Variants in PCDH9 observed in about 807,000 individuals in gnomAD.
The protein encoded by PCDH9 is protocadherin 9, also known as protocadherin-9.
A neutral mutation model predicts 70.6 loss-of-function variants in PCDH9; 24 were observed. The ratio of observed to expected loss-of-function variants is 0.34; its 90% CI spans 0.25 to 0.48. PCDH9 has a LOEUF of 0.48. Among genes scored for constraint, PCDH9 ranks in the 20% least tolerant of loss-of-function variants. The pLI is 0.99. For synonymous variants in PCDH9, 562 were observed against 558.5 expected (o/e 1.01, Z -0.09); for missense variants, 1,281 against 1,503.6 (o/e 0.85, Z 2.45).
chr13:66,737,845 AC>A (rs1221088232), intron 3 of PCDH9, among the ~76,000 whole-genome samples: 1 of 152,066 alleles, frequency 6.6e-6, no homozygotes, highest in African/African-American at 2.4e-5. Flanking sequence ...GGAGGGTCCT[AC>A]GCCCATGGAA....
At chr13:66,378,357 C>G (rs1009186915) in intron 4 of PCDH9, among the ~76,000 whole-genome samples, 2 of 151,154 alleles carry the variant, frequency 1.3e-5, no homozygotes, top group East Asian at 3.9e-4. Context: ...TGGGTAAGTG[C>G]TTTTTTTTTG....
intron 2 of PCDH9, among the ~76,000 whole-genome samples, chr13:67,049,561 T>C (rs2085284965): frequency 6.6e-6 from 1 of 152,322 alleles, no homozygotes; most frequent in South Asian, 2.1e-4. Context: ...CAAGAACTTA[T>C]TAACACCTTT....
chr13:66,936,713 A>G (rs1437657359), intron 2 of PCDH9, among the ~76,000 whole-genome samples: 5 of 152,184 alleles, frequency 3.3e-5, no homozygotes, highest in Admixed American at 2.0e-4. Flanking sequence ...AGAAGCAATG[A>G]CATCTTTGCA....
intron 2 of PCDH9, among the ~76,000 whole-genome samples, chr13:67,140,439 A>C (rs1396846882): frequency 1.3e-5 from 2 of 152,206 alleles, no homozygotes; most frequent in Non-Finnish European, 2.9e-5. Context: ...AGAAAACCCA[A>C]GAGAATGATA....
chr13:67,046,964 A>C (rs992873401), intron 2 of PCDH9, among the ~76,000 whole-genome samples: 6 of 152,178 alleles, frequency 3.9e-5, no homozygotes, highest in African/African-American at 1.4e-4. Context: ...ATAATCTAGA[A>C]AATATTCCGA....
intron 2 of PCDH9, among the ~76,000 whole-genome samples, chr13:66,999,307 A>G (rs1038166615): frequency 6.6e-6 from 1 of 152,200 alleles, no homozygotes; most frequent in Non-Finnish European, 1.5e-5. Flanking sequence ...TTGATAATAG[A>G]TGACAGTAGA....
chr13:66,629,536 C>T (rs2077542521), intron 4 of PCDH9, among the ~76,000 whole-genome samples: 1 of 152,180 alleles, frequency 6.6e-6, no homozygotes, highest in South Asian at 2.1e-4. Flanking sequence ...CTGGTCAAAA[C>T]CATGAAATCA....
At chr13:66,914,524 A>G (rs2082526173) in intron 2 of PCDH9, 1 of 151,870 alleles carries the variant, frequency 6.6e-6, no homozygotes, top group African/African-American at 2.4e-5. Flanking sequence ...AGAAACCTAT[A>G]CAAAAACCTA....
chr13:66,308,822 G>C (rs1168878703), intron 4 of PCDH9, among the ~76,000 whole-genome samples: 2 of 151,950 alleles, frequency 1.3e-5, no homozygotes, highest in Non-Finnish European at 2.9e-5. Flanking sequence ...GAGGAATATG[G>C]ATTTAGCTGC....
chr13:66,591,841 A>T (rs907514348), intron 4 of PCDH9, among the ~76,000 whole-genome samples: 3 of 151,712 alleles, frequency 2.0e-5, no homozygotes, highest in Non-Finnish European at 4.4e-5. Context: ...ACAAGATGAT[A>T]AAATAATTTA....
At chr13:67,037,963 T>C (rs1465519816) in intron 2 of PCDH9, among the ~76,000 whole-genome samples, 1 of 152,060 alleles carries the variant, frequency 6.6e-6, no homozygotes, top group Non-Finnish European at 1.5e-5. Context: ...GCAATAAAAA[T>C]ATCAGAATAC....
intron 3 of PCDH9, among the ~76,000 whole-genome samples, chr13:66,850,747 T>G (rs1231119232): frequency 6.6e-6 from 1 of 152,238 alleles, no homozygotes; most frequent in African/African-American, 2.4e-5. Flanking sequence ...TGACTGCAAA[T>G]TCTGACATGA....
chr13:67,228,666 A>G (rs2089942015), intron 1 of PCDH9, 91 bp from the exon 2 acceptor site: 2 of 393,180 alleles, frequency 5.1e-6, no homozygotes, highest in East Asian at 7.7e-5. Context: ...CCTGAACATT[A>G]GTAAACATGG....
intron 4 of PCDH9, among the ~76,000 whole-genome samples, chr13:66,358,472 T>A (rs190020668): frequency 6.6e-6 from 1 of 152,126 alleles, no homozygotes; most frequent in East Asian, 1.9e-4. Context: ...ACAGGTCCTT[T>A]ATAAATTTAA....
At chr13:66,449,723 C>A (rs1181513870) in intron 4 of PCDH9, among the ~76,000 whole-genome samples, 1 of 152,138 alleles carries the variant, frequency 6.6e-6, no homozygotes, top group Non-Finnish European at 1.5e-5. Context: ...TAAATGTATG[C>A]ATAATGGCCT....
chr13:67,227,671 A>G lies in PCDH9; in HGVS notation c.770T>C (p.Val257Ala). Residue 257 changes from valine to alanine, a missense_variant, in exon 2 of 5, where the codon GTG (valine) becomes GCG (alanine). Coordinates refer to ENST00000377865, the MANE Select transcript of PCDH9 (RefSeq NM_203487.3). The surrounding 1 kb of genome is among the most constrained non-coding windows in gnomAD (Gnocchi z 4.6). ...AGCATTCTCTGGAATATGCACCTCC[A>G]CTTGACCCTCTTTAAACACTGGCCT... Reference protein sequence around the residue: ...DNRPVFKEGQVEVHIPENAPV... With the variant: ...DNRPVFKEGQAEVHIPENAPV... 1 of 1,613,788 alleles carries G rather than the reference A, an allele frequency of 6.2e-7. No individual in the cohort carries two copies. The highest frequency in any genetic ancestry group is 8.5e-7 in the Non-Finnish European group (1 of 1,179,704).
chr13:66,731,038 C>A (rs897742164), intron 3 of PCDH9, among the ~76,000 whole-genome samples: 3 of 151,514 alleles, frequency 2.0e-5, no homozygotes, highest in Admixed American at 6.6e-5. Flanking sequence ...ATATATATTT[C>A]TTTATTCAAA....
chr13:66,551,146 T>C (rs1199457521), intron 4 of PCDH9, among the ~76,000 whole-genome samples: 1 of 152,144 alleles, frequency 6.6e-6, no homozygotes, highest in Non-Finnish European at 1.5e-5. Flanking sequence ...TTTGCTGTTA[T>C]TGTTGGCTAA....
chr13:66,475,202 C>T (rs1281777703), intron 4 of PCDH9, among the ~76,000 whole-genome samples: 9 of 152,014 alleles, frequency 5.9e-5, no homozygotes, highest in African/African-American at 2.2e-4. Flanking sequence ...TAGAGACTAT[C>T]TAGATACAAG....
Sources: allele counts gnomAD v4.1 joint callset (sites outside exome capture counted in the v4.1 genomes callset), GRCh38; gene constraint gnomAD v4.1.1; non-coding constraint Gnocchi (gnomAD v3.1); transcripts MANE v1.5; gene names NCBI Gene and HGNC (gene_info 2026-07-23, HGNC 2026-07-21).